The following TRIO variants were observed in gnomAD, a reference collection of about 807,000 sequenced individuals.
TRIO encodes the protein trio Rho guanine nucleotide exchange factor.
In TRIO, 58 loss-of-function variants were observed where a neutral mutation model predicts 351.9. That is an observed-to-expected ratio of 0.16 (90% confidence interval 0.13 to 0.21). The LOEUF is 0.21. Ranked by LOEUF, TRIO falls within the 10% of genes least tolerant of loss-of-function variation. TRIO has a pLI of 1.00. For synonymous variants in TRIO, 1,758 were observed against 1,595.7 expected (o/e 1.10, Z -2.42); for missense variants, 3,201 against 4,027.8 (o/e 0.79, Z 5.56).
chr5:14,173,834 A>G (rs26118), intron 1 of TRIO, among the ~76,000 whole-genome samples: 14,225 of 152,276 alleles, frequency 0.093, 788 homozygotes, highest in African/African-American at 0.14. Context: ...TGTTTTCCAC[A>G]TGTAAATTAG....
In TRIO at chr5:14,488,100, C is replaced by A. The variant is rs1345246762; in HGVS notation, c.7472C>A (p.Ala2491Asp). ...KGGSFWSSIP[A>D]SPASRPGSFT... ...GGCTCCTTCTGGAGCTCCATCCCCG[C>A]CTCCCCCGCCAGCCGACCCGGCTCC... The change falls in exon 48 of 57, where the codon GCC (alanine) becomes GAC (aspartate). Residue 2491 changes from alanine (A) to aspartate (D), a missense_variant. Coordinates refer to ENST00000344204, the MANE Select transcript of TRIO (RefSeq NM_007118.4). 6.2e-7 allele frequency: 1 copy of A among 1,609,762 alleles called. No individual in the cohort carries two copies. Among genetic ancestry groups the A allele is most frequent in the East Asian group, 2.2e-5 (1 of 44,798 alleles).
chr5:14,263,486 TTTTC>T (rs1444778363), intron 1 of TRIO, among the ~76,000 whole-genome samples: 1 of 152,210 alleles, frequency 6.6e-6, no homozygotes, highest in African/African-American at 2.4e-5. Context: ...AGTTTTTTCT[TTTTC>T]TTTGTCTGAA....
At chr5:14,450,912 A>AATT (rs1289876175) in intron 34 of TRIO, among the ~76,000 whole-genome samples, 1 of 152,236 alleles carries the variant, frequency 6.6e-6, no homozygotes, top group Non-Finnish European at 1.5e-5. Context: ...GAACAAATTA[A>AATT]GACTCACTAG....
intron 1 of TRIO, among the ~76,000 whole-genome samples, chr5:14,270,137 C>T (rs990738286): frequency 6.6e-6 from 1 of 152,180 alleles, no homozygotes; most frequent in East Asian, 1.9e-4. Flanking sequence ...TGCTCCTTTT[C>T]TACAATATTC....
intron 1 of TRIO, among the ~76,000 whole-genome samples, chr5:14,247,444 A>G (rs757046465): frequency 1.7e-4 from 26 of 152,378 alleles, no homozygotes; most frequent in Admixed American, 6.5e-4. Context: ...ATATCCTATT[A>G]TGGTAAGATA....
At chr5:14,215,212 A>G (rs757040022) in intron 1 of TRIO, among the ~76,000 whole-genome samples, 7 of 152,224 alleles carry the variant, frequency 4.6e-5, no homozygotes, top group Non-Finnish European at 1.0e-4. Context: ...AACCATAACA[A>G]ACCTAACTAA....
intron 34 of TRIO, among the ~76,000 whole-genome samples, chr5:14,451,961 G>C (rs1251671455): frequency 6.6e-6 from 1 of 152,264 alleles, no homozygotes; most frequent in African/African-American, 2.4e-5. Flanking sequence ...GGGGGAGACA[G>C]CGTGGAGAAT....
chr5:14,466,991 A>G (rs1291125885), intron 37 of TRIO, among the ~76,000 whole-genome samples: 2 of 152,222 alleles, frequency 1.3e-5, no homozygotes, highest in African/African-American at 2.4e-5. Context: ...ACTTCCCACA[A>G]CAACCCTATG....
chr5:14,445,254 G>A (rs962897911), intron 34 of TRIO, among the ~76,000 whole-genome samples: 2 of 152,150 alleles, frequency 1.3e-5, no homozygotes, highest in African/African-American at 4.8e-5. Flanking sequence ...TGGGGGCTGG[G>A]CAGCCATAAA....
At chr5:14,400,867 TG>T in intron 30 of TRIO, 95 bp from the exon 31 acceptor site, 1 of 1,070,144 alleles carries the variant, frequency 9.3e-7, no homozygotes, top group Non-Finnish European at 1.4e-6. Context: ...TAACCTAACA[TG>T]GCCACAAGTA....
At chr5:14,325,967 C>A (rs931203434) in intron 9 of TRIO, among the ~76,000 whole-genome samples, 1 of 152,198 alleles carries the variant, frequency 6.6e-6, no homozygotes, top group African/African-American at 2.4e-5. Flanking sequence ...TACCCAACAG[C>A]CTGAACCATT....
At chr5:14,443,824 G>T (rs1752243347) in intron 34 of TRIO, among the ~76,000 whole-genome samples, 1 of 152,244 alleles carries the variant, frequency 6.6e-6, no homozygotes, top group African/African-American at 2.4e-5. Context: ...AGGTCAAGAA[G>T]AACTGTAAAT....
intron 7 of TRIO, among the ~76,000 whole-genome samples, chr5:14,298,170 A>G (rs1737528413): frequency 6.6e-6 from 1 of 152,234 alleles, no homozygotes. Flanking sequence ...ATTTGTTGAC[A>G]GATGTGTTGT....
At chr5:14,159,534 G>T (rs35275691) in intron 1 of TRIO, among the ~76,000 whole-genome samples, 1 of 151,364 alleles carries the variant, frequency 6.6e-6, no homozygotes, top group South Asian at 2.1e-4. Context: ...AAAAATCGGT[G>T]TCATTGTTTT....
chr5:14,239,378 ATCTGCAGTGCCAGCTT>A (rs1399285330), intron 1 of TRIO, among the ~76,000 whole-genome samples: 3 of 152,206 alleles, frequency 2.0e-5, no homozygotes, highest in Non-Finnish European at 4.4e-5. Context: ...AGTGAATCAA[ATCTGCAGTGCCAGCTT>A]TCTTGTTTCC....
intron 34 of TRIO, among the ~76,000 whole-genome samples, chr5:14,453,314 TTAAAAA>T (rs1752984403): frequency 6.6e-6 from 1 of 152,226 alleles, no homozygotes; most frequent in East Asian, 1.9e-4. Flanking sequence ...TTGTTCTATT[TTAAAAA>T]TAGAAATAGA....
intron 34 of TRIO, among the ~76,000 whole-genome samples, chr5:14,452,083 A>G (rs1347538749): frequency 6.6e-6 from 1 of 152,210 alleles, no homozygotes; most frequent in African/African-American, 2.4e-5. Context: ...GCAGACCCAC[A>G]TGTGTGCATG....
intron 55 of TRIO, among the ~76,000 whole-genome samples, 167 bp from the exon 56 acceptor site, chr5:14,506,955 T>C (rs1257212154): frequency 6.6e-6 from 1 of 152,174 alleles, no homozygotes; most frequent in Non-Finnish European, 1.5e-5. Context: ...CCAACAGAGC[T>C]TTACAAAATC....
At chr5:14,492,251 G>A (rs1261626844) in intron 48 of TRIO, 1 of 383,802 alleles carries the variant, frequency 2.6e-6, no homozygotes, top group Non-Finnish European at 4.8e-6. Flanking sequence ...GTCAGCAGGA[G>A]GACTAAGATG....
Sources: allele counts gnomAD v4.1 joint callset (sites outside exome capture counted in the v4.1 genomes callset), GRCh38; gene constraint gnomAD v4.1.1; transcripts MANE v1.5; gene names NCBI Gene and HGNC (gene_info 2026-07-23, HGNC 2026-07-21).